Variants in PLG observed in about 807,000 individuals in gnomAD.
PLG encodes the protein plasmin.
A neutral mutation model predicts 104.4 loss-of-function variants in PLG; 41 were observed. The observed-to-expected ratio is 0.39, with a 90% CI of 0.31 to 0.51. PLG has a LOEUF of 0.51. Among genes scored for constraint, PLG ranks in the 20% least tolerant of loss-of-function variants. The pLI is 0.76. For missense variants in PLG, 891 were observed against 1,003.6 expected, an observed-to-expected ratio of 0.89 and a Z score of 1.52; for synonymous variants, 337 against 357.1, an observed-to-expected ratio of 0.94 and a Z score of 0.63.
At position 160,736,866 on chromosome 6, in the gene PLG, C is replaced by T; in HGVS notation, c.1682-21C>T. On this transcript the variant is annotated intron_variant, in intron 13 of 18. Coordinates refer to ENST00000308192, the MANE Select transcript of PLG (RefSeq NM_000301.5). This position sits in a 1 kb window ranked among gnomAD's most constrained non-coding sequence, Gnocchi z 5.2. ...TGCTACCTTGTCTCAAATGGGATTTCTTTCCCACCTTGTGCCACAGCGGCC... is the reference window on the plus strand; with the variant it reads ...TGCTACCTTGTCTCAAATGGGATTTTTTTCCCACCTTGTGCCACAGCGGCC... 6.2e-7 allele frequency: 1 copy of T among 1,613,292 alleles called. No homozygotes were observed. Among genetic ancestry groups the T allele is most frequent in the Non-Finnish European group, 8.5e-7 (1 of 1,179,470 alleles).
In PLG at chr6:160,732,783, G is replaced by T. The variant is rs1778020087; in HGVS notation, c.1587+890G>T. ...GAGATGCACGGGGCAAGGCATGTGA[G>T]AAGGGGCTCAGAGTTTCCATGCCCT... is the stretch of plus-strand genomic sequence containing the variant. On this transcript the variant is annotated intron_variant, in intron 12 of 18. Transcript: ENST00000308192. The surrounding 1 kb of genome is among the most constrained non-coding windows in gnomAD (Gnocchi z 4.5). 6.6e-6 allele frequency among the ~76,000 whole-genome samples: 1 copy of T among 152,222 alleles called. No individual in the cohort carries two copies. Among genetic ancestry groups the T allele is most frequent in the Admixed American group, 6.5e-5 (1 of 15,286 alleles).
Position 160,716,708 on chromosome 6 carries a change from G to A in PLG, c.732G>A (p.Trp244Ter). 1 of 1,613,834 alleles carries A rather than the reference G, an allele frequency of 6.2e-7. No homozygotes were observed. Among genetic ancestry groups the A allele is most frequent in the Non-Finnish European group, 8.5e-7 (1 of 1,179,738 alleles). ...ACCCCGATAGGGAGCTGCGGCCTTGGTGTTTCACCACCGACCCCAACAAGC... is the reference window on the plus strand; with the variant it reads ...ACCCCGATAGGGAGCTGCGGCCTTGATGTTTCACCACCGACCCCAACAAGC... ...CRNPDRELRP[W>*]CFTTDPNKRW... is the part of the protein sequence containing the mutation. The change falls in exon 7 of 19, where the codon TGG becomes TGA. Residue 244 changes from tryptophan (W) to a stop codon, truncating the protein, a stop_gained. Coordinates refer to ENST00000308192, the MANE Select transcript of PLG (RefSeq NM_000301.5). LOFTEE classifies it high-confidence loss of function.
intron 2 of PLG, among the ~76,000 whole-genome samples, chr6:160,706,902 G>A (rs1386583649): frequency 2.6e-5 from 4 of 151,346 alleles, no homozygotes; most frequent in Non-Finnish European, 5.9e-5. Context: ...AAGATCCAGT[G>A]CCTGCCCTTT....
intron 17 of PLG, among the ~76,000 whole-genome samples, chr6:160,751,557 G>A (rs1778400095): frequency 6.6e-6 from 1 of 152,242 alleles, no homozygotes; most frequent in South Asian, 2.1e-4. Context: ...ACCACTGAGT[G>A]GCATTTAGTA....
intron 17 of PLG, among the ~76,000 whole-genome samples, chr6:160,751,278 C>T (rs115880694): frequency 2.6e-5 from 4 of 152,258 alleles, no homozygotes; most frequent in Non-Finnish European, 1.5e-5. Flanking sequence ...GGGGCCAACA[C>T]GCATGGGGAG....
At chr6:160,742,082 T>G (rs544731103) in intron 17 of PLG, among the ~76,000 whole-genome samples, 1 of 152,348 alleles carries the variant, frequency 6.6e-6, no homozygotes, top group East Asian at 1.9e-4. Flanking sequence ...TATAGGTGAT[T>G]CCATGTCTTT....
chr6:160,714,884 G>C lies in PLG; in HGVS notation c.638G>C (p.Ser213Thr), dbSNP rs1281703061. 6.2e-7 allele frequency: 1 copy of C among 1,613,720 alleles called. No individual in the cohort carries two copies. Among genetic ancestry groups the C allele is most frequent in the Non-Finnish European group, 8.5e-7 (1 of 1,179,826 alleles). The part of the protein sequence containing the change: ...GLECQAWDSQ[S>T]PHAHGYIPSK... ...GAATGCCAGGCCTGGGACTCTCAGA[G>C]CCCACACGCTCATGGATACATTCCT... Residue 213 changes from serine to threonine, a missense_variant, in exon 6 of 19, where the codon AGC becomes ACC. By Grantham distance (58) the Ser-to-Thr change is moderately conservative. Transcript: ENST00000308192.
intron 17 of PLG, among the ~76,000 whole-genome samples, chr6:160,743,182 A>C (rs1240976178): frequency 1.3e-5 from 2 of 151,958 alleles, no homozygotes; most frequent in South Asian, 4.1e-4. Flanking sequence ...GTAGTTTTTT[A>C]ATAGTGCTGT....
rs1562385663 is a variant in PLG at position 160,753,924 on chromosome 6, T to C, written c.*863T>C. ...CACGTTTTACCATTTAAAATATTGT[T>C]ACCAAACAAAAATATCCATTCAAAA... On this transcript the variant is annotated 3_prime_UTR_variant, in exon 19 of 19. Transcript: ENST00000308192. The surrounding 1 kb of genome is among the most constrained non-coding windows in gnomAD (Gnocchi z 5.4). Among the ~76,000 whole-genome samples, 1 of 152,146 alleles carries C rather than the reference T, an allele frequency of 6.6e-6. No homozygotes were observed. The highest frequency in any genetic ancestry group is 1.5e-5 in the Non-Finnish European group (1 of 68,036).
At chr6:160,705,178 C>T (rs567417910) in intron 1 of PLG, among the ~76,000 whole-genome samples, 181 of 152,310 alleles carry the variant, frequency 1.2e-3, no homozygotes, top group African/African-American at 4.2e-3. Context: ...TGGCCTCTCA[C>T]CCTTGTGCAA....
rs537579467 is a variant in PLG, at chr6:160,734,232, T to C, written c.1681+144T>C. On this transcript the variant is annotated intron_variant, in intron 13 of 18. Transcript: ENST00000308192. This position sits in a 1 kb window ranked among gnomAD's most constrained non-coding sequence, Gnocchi z 4.4. ...ACCCCACTCTTCATCATGGGCATCT[T>C]GAATCTGCCCTACTATTGGCCACAT... 4,233 of 621,238 alleles carry C rather than the reference T, an allele frequency of 6.8e-3. 22 individuals carry two copies. The highest frequency in any genetic ancestry group is 0.011 in the Non-Finnish European group (3,661 of 329,256). 38.5% of individuals were successfully genotyped at this position (621,238 alleles called of 1,614,324 possible). A position where few individuals can be genotyped will look rare whatever the true frequency, so the allele number is the denominator to read the frequency against.
chr6:160,748,440 G>GAAAAAGAAATA (rs1244989234), intron 17 of PLG, among the ~76,000 whole-genome samples: 1 of 69,374 alleles, frequency 1.4e-5, no homozygotes, highest in Non-Finnish European at 2.8e-5. Context: ...ACGAAAGAAA[G>GAAAAAGAAATA]AAGGGAGGGA....
At chr6:160,742,903 G>A (rs1217930114) in intron 17 of PLG, among the ~76,000 whole-genome samples, 5 of 152,090 alleles carry the variant, frequency 3.3e-5, no homozygotes, top group African/African-American at 9.7e-5. Flanking sequence ...ATTGAATAGG[G>A]AGTTATTTTC....
In PLG at chr6:160,734,100, T is replaced by C; in HGVS notation, c.1681+12T>C. On this transcript the variant is annotated intron_variant, in intron 13 of 18. Coordinates refer to ENST00000308192, the MANE Select transcript of PLG (RefSeq NM_000301.5). This position sits in a 1 kb window ranked among gnomAD's most constrained non-coding sequence, Gnocchi z 4.4. The stretch of plus-strand genomic sequence containing the variant: ...TGTCCCTCAGTGTGGTAGGTTGCCT[T>C]CTTTTTGGTAAGGAAACTGCTTACT... 1 of 1,502,922 alleles carries C rather than the reference T, an allele frequency of 6.7e-7. No homozygotes were observed. Among genetic ancestry groups the C allele is most frequent in the Non-Finnish European group, 9.3e-7 (1 of 1,079,206 alleles). 93.1% of individuals were successfully genotyped at this position (1,502,922 alleles called of 1,614,324 possible).
In PLG at chr6:160,711,556, T is replaced by C. The variant is rs537236684; in HGVS notation, c.407+365T>C. 2.4e-4 allele frequency: 378 copies of C among 1,604,628 alleles called. 2 individuals are homozygous for C. Among genetic ancestry groups the C allele is most frequent in the Non-Finnish European group, 1.7e-4 (196 of 1,175,806 alleles). On this transcript the variant is annotated intron_variant, in intron 4 of 18. Coordinates refer to ENST00000308192, the MANE Select transcript of PLG (RefSeq NM_000301.5). ...TTTAGGATAATTTCATCACTTTTAA[T>C]TCAAACCACAATATGTGAATAAGCA...
At chr6:160,730,772 T>A (rs1777986360) in intron 10 of PLG, 1 of 351,260 alleles carries the variant, frequency 2.8e-6, no homozygotes, top group Non-Finnish European at 5.4e-6. Flanking sequence ...AGGGGGATAT[T>A]CTGATCCTTT....
chr6:160,713,616 A>T (rs530913707), intron 5 of PLG, among the ~76,000 whole-genome samples: 1 of 152,326 alleles, frequency 6.6e-6, no homozygotes, highest in African/African-American at 2.4e-5. Flanking sequence ...GTACAAATAT[A>T]AAACTACATC....
intron 17 of PLG, among the ~76,000 whole-genome samples, chr6:160,749,823 A>G (rs79570361): frequency 0.084 from 12,633 of 150,746 alleles, 764 homozygotes; most frequent in East Asian, 0.39. Context: ...CCATCATTTC[A>G]CTACCAGCAC....
At position 160,707,669 on chromosome 6, in the gene PLG, T is replaced by C. The variant is rs1260674289; in HGVS notation, c.186-31T>C. 12 of 1,533,762 alleles carry C rather than the reference T, an allele frequency of 7.8e-6. No individual in the cohort carries two copies. In the African/African-American group the frequency reaches 1.4e-4, roughly 17 times the overall value. On this transcript the variant is annotated intron_variant, in intron 2 of 18. Transcript: ENST00000308192. ...TTTGTTTTCTTTAAATAAAGAAAAA[T>C]ACTTATTGGATTTCCTGCTTCGTTC...
Sources: gnomAD v4.1 joint callset for allele counts (sites outside exome capture counted in the v4.1 genomes callset) on GRCh38, gnomAD v4.1.1 for gene constraint, Gnocchi (gnomAD v3.1) non-coding constraint, MANE v1.5 for transcripts, NCBI Gene and HGNC (gene_info 2026-07-23, HGNC 2026-07-21) for gene names.